The following SSH1 variants were observed in gnomAD, a reference collection of about 807,000 sequenced individuals.
The protein encoded by SSH1 is protein phosphatase Slingshot homolog 1.
SSH1 carries 43 observed loss-of-function variants against 79.7 expected under a neutral mutation model. That is an observed-to-expected ratio of 0.54 (90% CI 0.42 to 0.70). The LOEUF (loss-of-function observed/expected upper bound fraction) is 0.70. SSH1 is among the 30% of genes least tolerant of loss of function. The probability of loss-of-function intolerance (pLI) is 0.00; values close to 1 mark genes in which losing one functional copy is unlikely to be tolerated. For missense variants in SSH1, 1,206 were observed against 1,358.8 expected (o/e 0.89, Z 1.77); for synonymous variants, 599 against 538.3 (o/e 1.11, Z -1.56).
chr12:108,811,418 T>C (rs1261859728), intron 5 of SSH1, 90 bp from the exon 6 acceptor site: 1 of 1,178,896 alleles, frequency 8.5e-7, no homozygotes, highest in Admixed American at 1.7e-5. Context: ...CAGGACGGGC[T>C]GTTGGACGTA....
Position 108,852,648 on chromosome 12 carries a change from AT to A in SSH1, c.99del (p.Lys33AsnfsTer2). ...ELEAGSEEDR[K>X]LNLSLSESFF... Reference sequence around the variant, plus strand: ...TGAAAGTCTGCTTACCTGAGGTTTAATTTTCGATCTTCTTCGCTGCCAGCCT... The same window carrying A: ...TGAAAGTCTGCTTACCTGAGGTTTAATTTCGATCTTCTTCGCTGCCAGCCT... On this transcript the variant is annotated frameshift_variant, in exon 2 of 15. Transcript: ENST00000326495. LOFTEE classifies it high-confidence loss of function. 1 of 1,614,160 alleles carries A rather than the reference AT, an allele frequency of 6.2e-7. No individual in the cohort carries two copies. Among genetic ancestry groups the A allele is most frequent in the Non-Finnish European group, 8.5e-7 (1 of 1,180,020 alleles).
At chr12:108,828,555 G>A (rs73410922) in intron 2 of SSH1, among the ~76,000 whole-genome samples, 13,951 of 152,172 alleles carry the variant, frequency 0.092, 1,235 homozygotes, top group African/African-American at 0.23. Flanking sequence ...TCTTCCCAGT[G>A]TGTGAATGCA....
Position 108,857,356 on chromosome 12 carries a change from G to T in SSH1, c.69+72C>A, listed in dbSNP as rs2039165259. On this transcript the variant is annotated intron_variant, in intron 1 of 14. Coordinates refer to ENST00000326495, the MANE Select transcript of SSH1 (RefSeq NM_018984.4). This position sits in a 1 kb window ranked among gnomAD's most constrained non-coding sequence, Gnocchi z 4.7. ...GCAGCCGCCCCCCTGCCCCGCACGC[G>T]CGGCCCCAGCTCCGGCGGCCTCGGC... is the stretch of plus-strand genomic sequence containing the variant. The T allele has an allele frequency of 1.1e-6, 1 of 899,984 alleles. No individual in the cohort carries two copies. Among genetic ancestry groups the T allele is most frequent in the Non-Finnish European group, 1.3e-6 (1 of 752,986 alleles). The allele number at this position is 899,984 out of a possible 1,614,324, so 55.7% of individuals were successfully genotyped here.
Position 108,778,783 on chromosome 12 carries a change from G to A in SSH1, c.*9205C>T, listed in dbSNP as rs974671524. The A allele has an allele frequency of 2.0e-5, 3 of 153,226 alleles. No homozygotes were observed. The highest frequency in any genetic ancestry group is 7.2e-5 in the African/African-American group (3 of 41,436). The allele number at this position is 153,226 out of a possible 1,614,324, so 9.5% of individuals were successfully genotyped here. On this transcript the variant is annotated 3_prime_UTR_variant, in exon 15 of 15. Coordinates refer to ENST00000326495, the MANE Select transcript of SSH1 (RefSeq NM_018984.4). Reference sequence around the variant, plus strand: ...CACCACCACAATGTACCATTTGTGGGATAATTTGTCTTTTTAAAATCTTTT... The same window carrying A: ...CACCACCACAATGTACCATTTGTGGAATAATTTGTCTTTTTAAAATCTTTT...
At chr12:108,795,232 C>T (rs1469958246) in intron 13 of SSH1, among the ~76,000 whole-genome samples, 1 of 152,088 alleles carries the variant, frequency 6.6e-6, no homozygotes, top group African/African-American at 2.4e-5. Context: ...AACCTCACAG[C>T]AGCTCTATTG....
At position 108,780,575 on chromosome 12, in the gene SSH1, C is replaced by T. The variant is rs1286101798; in HGVS notation, c.*7413G>A. 6.6e-6 allele frequency: 1 copy of T among 152,206 alleles called. No individual in the cohort carries two copies. Among genetic ancestry groups the T allele is most frequent in the Non-Finnish European group, 1.5e-5 (1 of 68,032 alleles). 9.4% of individuals were successfully genotyped at this position (152,206 alleles called of 1,614,324 possible). A position where few individuals can be genotyped will look rare whatever the true frequency, so the allele number is the denominator to read the frequency against. ...CAGAATTCCCAGGGAATCTCAGAAACATACAGATTGCTGGGGCCCATCCCA... is the reference window on the plus strand; with the variant it reads ...CAGAATTCCCAGGGAATCTCAGAAATATACAGATTGCTGGGGCCCATCCCA... On this transcript the variant is annotated 3_prime_UTR_variant, in exon 15 of 15. Transcript: ENST00000326495.
intron 5 of SSH1, among the ~76,000 whole-genome samples, chr12:108,816,074 T>A (rs1037708544): frequency 3.3e-5 from 5 of 152,208 alleles, no homozygotes; most frequent in African/African-American, 1.2e-4. Flanking sequence ...CTCGCCTGAC[T>A]GCCCACTTGC....
intron 12 of SSH1, 148 bp from the exon 13 acceptor site, chr12:108,799,348 G>C (rs576161973): frequency 1.5e-6 from 1 of 672,870 alleles, no homozygotes; most frequent in Non-Finnish European, 2.5e-6. Context: ...ATCCTCCTAC[G>C]TCTTAATGTT....
chr12:108,793,913 G>T lies in SSH1; in HGVS notation c.1350-1084C>A, dbSNP rs551876005. 1.0e-3 allele frequency among the ~76,000 whole-genome samples: 152 copies of T among 152,312 alleles called. 2 individuals carry two copies. The highest frequency in any genetic ancestry group is 3.6e-3 in the African/African-American group (148 of 41,556). ...AGCAGCTACTCAAGGTCACTGCCAC[G>T]CTGCTATGAACCTGGCCTGGAGCGC... On this transcript the variant is annotated intron_variant, in intron 13 of 14. Transcript: ENST00000326495.
chr12:108,829,098 T>C (rs185184184), intron 2 of SSH1, among the ~76,000 whole-genome samples: 38 of 152,126 alleles, frequency 2.5e-4, no homozygotes, highest in African/African-American at 8.0e-4. Flanking sequence ...GAGGCTGAGA[T>C]GGGTGGATCA....
intron 2 of SSH1, chr12:108,827,387 C>A: frequency 6.6e-7 from 1 of 1,511,680 alleles, no homozygotes; most frequent in Non-Finnish European, 8.9e-7. Flanking sequence ...CCTACAACTG[C>A]CCTCCGAGCT....
At chr12:108,816,445 CA>C (rs544440903) in intron 5 of SSH1, among the ~76,000 whole-genome samples, 66 of 152,330 alleles carry the variant, frequency 4.3e-4, no homozygotes, top group Admixed American at 3.8e-3. Flanking sequence ...CTTGTGATGT[CA>C]GGGGAGTGAC....
rs117006659 is a variant in SSH1, at chr12:108,822,800, C to T, written c.214+458G>A. On this transcript the variant is annotated intron_variant, in intron 3 of 14. Coordinates refer to ENST00000326495, the MANE Select transcript of SSH1 (RefSeq NM_018984.4). ...CAAGACTTCCTACTACAGTGTCTAT[C>T]TCAGAGTTGGAGCCAAAGGCCCTTC... Among the ~76,000 whole-genome samples, 927 of 152,340 alleles carry T rather than the reference C, an allele frequency of 6.1e-3. 2 individuals carry two copies. Among genetic ancestry groups the T allele is most frequent in the Non-Finnish European group, 9.7e-3 (663 of 68,026 alleles).
chr12:108,821,758 C>T (rs2375014), intron 3 of SSH1, among the ~76,000 whole-genome samples: 150,770 of 152,340 alleles, frequency 0.99, 74,618 homozygotes, highest in East Asian at 1. Context: ...ACCTAAATAT[C>T]ATCAACATCA....
In SSH1 at chr12:108,823,377, C is replaced by T. The variant is rs745633402; in HGVS notation, c.111-16G>A. 4 of 1,553,828 alleles carry T rather than the reference C, an allele frequency of 2.6e-6. No individual in the cohort carries two copies. The highest frequency in any genetic ancestry group is 2.6e-6 in the Non-Finnish European group (3 of 1,145,418). Reference sequence around the variant, plus strand: ...CTCACTTAAGCTGGGAAGGATAAGACCAGAGCACAGTTAGACCGGAATTCA... The same window carrying T: ...CTCACTTAAGCTGGGAAGGATAAGATCAGAGCACAGTTAGACCGGAATTCA... On this transcript the variant is annotated splice_polypyrimidine_tract_variant and intron_variant, in intron 2 of 14. Coordinates refer to ENST00000326495, the MANE Select transcript of SSH1 (RefSeq NM_018984.4).
At chr12:108,815,458 G>C (rs1450203863) in intron 5 of SSH1, among the ~76,000 whole-genome samples, 1 of 152,228 alleles carries the variant, frequency 6.6e-6, no homozygotes, top group African/African-American at 2.4e-5. Context: ...AGCATTATTG[G>C]AACAGGCCAC....
chr12:108,808,835 T>G (rs1418156906), intron 7 of SSH1, among the ~76,000 whole-genome samples: 1 of 143,316 alleles, frequency 7.0e-6, no homozygotes, highest in African/African-American at 2.6e-5. Context: ...TTTTTTTTTT[T>G]TTTTTTTTTT....
rs1292208421 is a variant in SSH1 at position 108,785,271 on chromosome 12, C to G, written c.*2717G>C. ...AAGTAGCTAGGATTACAGGCACGCACTACCACACCCAGCTAAGTTTTTGTA... is the reference window on the plus strand; with the variant it reads ...AAGTAGCTAGGATTACAGGCACGCAGTACCACACCCAGCTAAGTTTTTGTA... On this transcript the variant is annotated 3_prime_UTR_variant, in exon 15 of 15. Transcript: ENST00000326495. The G allele has an allele frequency of 6.6e-6, 1 of 152,240 alleles. No individual in the cohort carries two copies. The highest frequency in any genetic ancestry group is 1.5e-5 in the Non-Finnish European group (1 of 68,094). 9.4% of individuals were successfully genotyped at this position (152,240 alleles called of 1,614,324 possible).
intron 11 of SSH1, 144 bp from the exon 12 acceptor site, chr12:108,801,070 T>C (rs2036981325): frequency 1.3e-6 from 1 of 782,612 alleles, no homozygotes; most frequent in African/African-American, 1.7e-5. Context: ...GGTTTTTCCT[T>C]AATAGCTATG....
Sources: allele counts gnomAD v4.1 joint callset (sites outside exome capture counted in the v4.1 genomes callset), GRCh38; gene constraint gnomAD v4.1.1; non-coding constraint Gnocchi (gnomAD v3.1); transcripts MANE v1.5; gene names NCBI Gene and HGNC (gene_info 2026-07-23, HGNC 2026-07-21).